The following EBF1 variants were observed in gnomAD, a reference collection of about 807,000 sequenced individuals.
EBF1 encodes the protein EBF transcription factor 1, also known as transcription factor COE1.
Under a neutral mutation model 68.4 loss-of-function variants are expected in EBF1, and 10 were observed. The ratio of observed to expected loss-of-function variants is 0.15; its 90% CI spans 0.09 to 0.25. The LOEUF (loss-of-function observed/expected upper bound fraction) is 0.25. Ranked by LOEUF, EBF1 falls within the 10% of genes least tolerant of loss-of-function variation. The pLI, the probability that EBF1 is intolerant of heterozygous loss-of-function variation, is 1.00. For synonymous variants in EBF1, 298 were observed against 299.8 expected (o/e 0.99, Z 0.06); for missense variants, 509 against 794.4 (o/e 0.64, Z 4.32).
At chr5:158,705,972 C>T (rs572467219) in intron 15 of EBF1, among the ~76,000 whole-genome samples, 1 of 152,364 alleles carries the variant, frequency 6.6e-6, no homozygotes, top group East Asian at 1.9e-4. Flanking sequence ...TGGTAAATTT[C>T]TGCTTTCCAT....
At chr5:158,788,488 G>A (rs959167272) in intron 9 of EBF1, among the ~76,000 whole-genome samples, 1 of 152,168 alleles carries the variant, frequency 6.6e-6, no homozygotes, top group African/African-American at 2.4e-5. Context: ...TGAAAAGAAA[G>A]GTTGGAGTCA....
rs1782465416 is a variant in EBF1 at position 159,095,650 on chromosome 5, G to A, written c.381C>T (p.Tyr127=). The stretch of plus-strand genomic sequence containing the variant: ...TTGTCATGGAGTCAATGAGGCGCAC[G>A]TAGAAATCCTGCTCCGTCCTTATCC... ...SNGIRTEQDF[Y]VRLIDSMTKQ... Residue 127 remains tyrosine (Y), a synonymous_variant, in exon 4 of 16, where the codon TAC becomes TAT. Transcript: ENST00000313708. 2.5e-6 allele frequency: 4 copies of A among 1,613,932 alleles called. No individual in the cohort carries two copies. Among genetic ancestry groups the A allele is most frequent in the Non-Finnish European group, 3.4e-6 (4 of 1,179,920 alleles).
chr5:158,977,858 A>T (rs1455448073), intron 6 of EBF1, among the ~76,000 whole-genome samples: 1 of 152,042 alleles, frequency 6.6e-6, no homozygotes, highest in Admixed American at 6.6e-5. Flanking sequence ...CTGCCTTAGG[A>T]GGAGGGAGGA....
intron 6 of EBF1, among the ~76,000 whole-genome samples, chr5:158,879,130 T>G (rs1798351772): frequency 6.6e-6 from 1 of 152,222 alleles, no homozygotes; most frequent in Non-Finnish European, 1.5e-5. Flanking sequence ...TATCATCCTC[T>G]ATGCCCCATC....
At chr5:158,948,812 T>A (rs1256264631) in intron 6 of EBF1, among the ~76,000 whole-genome samples, 1 of 152,178 alleles carries the variant, frequency 6.6e-6, no homozygotes, top group African/African-American at 2.4e-5. Flanking sequence ...TTAGAAAATG[T>A]CATGTCTGAA....
At chr5:158,736,941 T>C (rs1048362392) in intron 10 of EBF1, among the ~76,000 whole-genome samples, 4 of 152,244 alleles carry the variant, frequency 2.6e-5, no homozygotes, top group African/African-American at 9.6e-5. Flanking sequence ...TCCAGCCATT[T>C]GGATATTTCA....
At chr5:158,846,448 A>C (rs1791544895) in intron 6 of EBF1, among the ~76,000 whole-genome samples, 1 of 152,124 alleles carries the variant, frequency 6.6e-6, no homozygotes, top group Non-Finnish European at 1.5e-5. Context: ...AAAATATTGA[A>C]CCAAAAAGCA....
chr5:158,843,248 A>T (rs1790688435), intron 6 of EBF1, among the ~76,000 whole-genome samples: 1 of 152,154 alleles, frequency 6.6e-6, no homozygotes, highest in Non-Finnish European at 1.5e-5. Flanking sequence ...TGCTAGAAGG[A>T]GCTGTCAGCA....
intron 6 of EBF1, among the ~76,000 whole-genome samples, chr5:158,899,836 G>A (rs1239147714): frequency 6.6e-6 from 1 of 152,188 alleles, no homozygotes; most frequent in Non-Finnish European, 1.5e-5. Context: ...TGAGAAAGGT[G>A]CGGTTTTGTG....
intron 7 of EBF1, among the ~76,000 whole-genome samples, chr5:158,831,024 C>T (rs1161091863): frequency 6.6e-6 from 1 of 152,204 alleles, no homozygotes; most frequent in Non-Finnish European, 1.5e-5. Context: ...TAGCTTCTGT[C>T]TCCTGAACGG....
intron 6 of EBF1, among the ~76,000 whole-genome samples, chr5:158,949,109 G>A (rs963134682): frequency 7.2e-5 from 11 of 152,148 alleles, no homozygotes; most frequent in African/African-American, 2.4e-4. Flanking sequence ...GTGCATATAG[G>A]AGAATAGTAA....
At chr5:158,964,662 A>C (rs549032177) in intron 6 of EBF1, among the ~76,000 whole-genome samples, 3 of 146,524 alleles carry the variant, frequency 2.0e-5, no homozygotes, top group Non-Finnish European at 4.5e-5. Flanking sequence ...TGATCACCAA[A>C]GCCCAGGGAA....
At chr5:158,822,533 A>G (rs1335349884) in intron 8 of EBF1, among the ~76,000 whole-genome samples, 3 of 152,184 alleles carry the variant, frequency 2.0e-5, no homozygotes, top group African/African-American at 7.2e-5. Context: ...ATAATTCTCA[A>G]GACAAATGGG....
At chr5:159,086,076 A>T (rs966982008) in intron 4 of EBF1, among the ~76,000 whole-genome samples, 4 of 152,314 alleles carry the variant, frequency 2.6e-5, no homozygotes, top group South Asian at 4.1e-4. Context: ...CTTGTATTTT[A>T]AAAATTTTTT....
At chr5:159,053,071 C>T (rs149661356) in intron 6 of EBF1, among the ~76,000 whole-genome samples, 165 of 152,276 alleles carry the variant, frequency 1.1e-3, no homozygotes, top group African/African-American at 3.8e-3. Context: ...ATATTAAGGG[C>T]TGCGCTTAGA....
intron 6 of EBF1, among the ~76,000 whole-genome samples, chr5:159,052,638 A>C (rs1773993703): frequency 6.6e-6 from 1 of 152,208 alleles, no homozygotes; most frequent in African/African-American, 2.4e-5. Context: ...CTAAGCTGGA[A>C]TTCAGAGACT....
In EBF1 at chr5:159,067,252, GAC is replaced by G. The variant is rs377407059; in HGVS notation, c.554+6142_554+6143del. ...AATGATTGTGCATAGTTACTAATGG[GAC>G]ACACAGAGGACTTCGTACTGCTTTT... On this transcript the variant is annotated intron_variant, in intron 6 of 15. Coordinates refer to ENST00000313708, the MANE Select transcript of EBF1 (RefSeq NM_024007.5). 3.3e-4 allele frequency among the ~76,000 whole-genome samples: 50 copies of G among 152,194 alleles called. No individual in the cohort carries two copies. In the East Asian group the frequency reaches 9.1e-3, roughly 28 times the overall value.
chr5:158,711,046 T>C (rs939193102), intron 14 of EBF1, among the ~76,000 whole-genome samples: 5 of 152,252 alleles, frequency 3.3e-5, no homozygotes, highest in African/African-American at 9.6e-5. Context: ...AATGTTTTTG[T>C]AGGCAAACTT....
At chr5:158,810,937 C>T (rs900401177) in intron 8 of EBF1, among the ~76,000 whole-genome samples, 20 of 152,174 alleles carry the variant, frequency 1.3e-4, no homozygotes, top group Non-Finnish European at 4.4e-5. Flanking sequence ...AGCCGACTTG[C>T]CCACGGCAGG....
Sources: allele counts gnomAD v4.1 joint callset (sites outside exome capture counted in the v4.1 genomes callset), GRCh38; gene constraint gnomAD v4.1.1; transcripts MANE v1.5; gene names NCBI Gene and HGNC (gene_info 2026-07-23, HGNC 2026-07-21).